Variants in ZNF732 observed in about 807,000 individuals in gnomAD.
ZNF732 encodes the protein zinc finger protein 732, also known as zinc finger protein LOC654254.
ZNF732 carries 12 observed loss-of-function variants against 11.5 expected under a neutral mutation model. That is an observed-to-expected ratio of 1.05 (90% CI 0.67 to 1.70). The LOEUF is 1.70. Among genes scored for constraint, ZNF732 ranks in the 40% most tolerant of loss-of-function variants. The pLI, the probability that ZNF732 is intolerant of heterozygous loss-of-function variation, is 0.00. For missense variants in ZNF732, 702 were observed against 676.9 expected (o/e 1.04, Z -0.41); for synonymous variants, 231 against 236.5 (o/e 0.98, Z 0.21).
intron 3 of ZNF732, among the ~76,000 whole-genome samples, chr4:284,060 G>A (rs1179673490): frequency 1.3e-5 from 2 of 151,940 alleles, no homozygotes; most frequent in Admixed American, 6.6e-5. Context: ...ACAGGCACCC[G>A]CCACCACGCC....
intron 3 of ZNF732, among the ~76,000 whole-genome samples, chr4:288,397 A>G (rs1719775193): frequency 6.6e-6 from 1 of 152,190 alleles, no homozygotes; most frequent in South Asian, 2.1e-4. Flanking sequence ...TCAATATTTA[A>G]CTCACTCAAG....
chr4:296,215 T>TA, intron 1 of ZNF732, 60 bp from the exon 2 acceptor site: 1 of 1,585,496 alleles, frequency 6.3e-7, no homozygotes, highest in East Asian at 2.2e-5. Flanking sequence ...TGAAATGAGT[T>TA]AAGAGAACTA....
chr4:302,767 A>T lies in ZNF732; in HGVS notation c.3+2541T>A, dbSNP rs545084938. Among the ~76,000 whole-genome samples, 10 of 152,344 alleles carry T rather than the reference A, an allele frequency of 6.6e-5. No individual in the cohort carries two copies. In the South Asian group the frequency reaches 2.1e-3, roughly 32 times the overall value. On this transcript the variant is annotated intron_variant, in intron 1 of 3. Transcript: ENST00000419098. Reference sequence around the variant, plus strand: ...AGCAGAGAAAATACTTAAATATAAAAGTTTTCGAGACAGGAGCAGTGGCTC... The same window carrying T: ...AGCAGAGAAAATACTTAAATATAAATGTTTTCGAGACAGGAGCAGTGGCTC...
At chr4:272,754 A>C (rs1719416967) in intron 3 of ZNF732, 124 bp from the exon 4 acceptor site, 6 of 939,890 alleles carry the variant, frequency 6.4e-6, no homozygotes, top group Non-Finnish European at 8.9e-6. Flanking sequence ...CACAGGCCAT[A>C]ATTTCTTCAC....
Position 305,383 on chromosome 4 carries a change from G to C in ZNF732, c.-73C>G. The C allele has an allele frequency of 6.3e-7, 1 of 1,595,064 alleles. No individual in the cohort carries two copies. ...TACCCGCAGGTCACAGAGCGACGGAGGCTGAGGCTGTGACCGAATCACCGA... is the reference window on the plus strand; with the variant it reads ...TACCCGCAGGTCACAGAGCGACGGACGCTGAGGCTGTGACCGAATCACCGA... On this transcript the variant is annotated 5_prime_UTR_variant, in exon 1 of 4. Coordinates refer to ENST00000419098, the MANE Select transcript of ZNF732 (RefSeq NM_001137608.3).
At chr4:296,890 T>A (rs186359475) in intron 1 of ZNF732, among the ~76,000 whole-genome samples, 1 of 152,226 alleles carries the variant, frequency 6.6e-6, no homozygotes, top group African/African-American at 2.4e-5. Context: ...CAAATCATCA[T>A]CCTGAAGCAC....
chr4:293,244 G>GTGTATA (rs1553841634), intron 3 of ZNF732, among the ~76,000 whole-genome samples: 6 of 143,952 alleles, frequency 4.2e-5, no homozygotes, highest in Admixed American at 1.4e-4. Flanking sequence ...GTGTGTGTGT[G>GTGTATA]TATATATATA....
intron 1 of ZNF732, among the ~76,000 whole-genome samples, chr4:298,079 T>C (rs1201808186): frequency 3.3e-5 from 5 of 152,210 alleles, no homozygotes; most frequent in African/African-American, 1.2e-4. Flanking sequence ...CCCTTATGTT[T>C]CTCTAGCACA....
At position 296,108 on chromosome 4, in the gene ZNF732, C is replaced by T. The variant is rs1553842247; in HGVS notation, c.51G>A (p.Glu17=). Residue 17 remains glutamate (E), a synonymous_variant, in exon 2 of 4, where the codon GAG becomes GAA. Transcript: ENST00000419098. The stretch of plus-strand genomic sequence containing the variant: ...GCTGGGCAGGGTCCAGGCATTTCCA[C>T]TCTTCTGGAGAGAATTCTATGGCCA... ...RDVAIEFSPE[E]WKCLDPAQQN... 6.2e-7 allele frequency: 1 copy of T among 1,613,822 alleles called. No individual in the cohort carries two copies. The highest frequency in any genetic ancestry group is 2.2e-5 in the East Asian group (1 of 44,886).
intron 1 of ZNF732, among the ~76,000 whole-genome samples, chr4:304,985 C>G (rs1457666146): frequency 6.6e-6 from 1 of 152,156 alleles, no homozygotes; most frequent in East Asian, 1.9e-4. Flanking sequence ...AAAGTAGGGA[C>G]TCGACGACCG....
chr4:279,483 A>G (rs782430266), intron 3 of ZNF732, among the ~76,000 whole-genome samples: 1 of 152,012 alleles, frequency 6.6e-6, no homozygotes, highest in Non-Finnish European at 1.5e-5. Flanking sequence ...ATATTATATA[A>G]TTACACCAAT....
chr4:272,294 ATTCCTTGAT>A lies in ZNF732; in HGVS notation c.554_562del (p.His185_Ile188delinsLeu). 6.2e-7 allele frequency: 1 copy of A among 1,613,316 alleles called. No homozygotes were observed. Among genetic ancestry groups the A allele is most frequent in the South Asian group, 1.1e-5 (1 of 90,980 alleles). ...TGTGTAGGGTTTCTCTCCAGCATGA[ATTCCTTGAT>A]GTTGAGTTAGGTCTGAGAACTTCTG... On this transcript the variant is annotated inframe_deletion, in exon 4 of 4. Transcript: ENST00000419098.
rs782668021 is a variant in ZNF732, at chr4:271,826, C to T, written c.1031G>A (p.Ser344Asn). The T allele has an allele frequency of 3.8e-5, 62 of 1,613,318 alleles. No homozygotes were observed. Among genetic ancestry groups the T allele is most frequent in the Non-Finnish European group, 4.7e-5 (56 of 1,179,726 alleles). Residue 344 changes from serine (S) to asparagine (N), a missense_variant, in exon 4 of 4, where the codon AGT becomes AAT. Ser to Asn is a conservative substitution (Grantham distance 46, BLOSUM62 1). Coordinates refer to ENST00000419098, the MANE Select transcript of ZNF732 (RefSeq NM_001137608.3). ...ATGTTCATTCAGAACTGAGGACCTA[C>T]TAAAGGCTTTGCCACATTCTTCACA... is the stretch of plus-strand genomic sequence containing the variant. ...YTCEECGKAF[S>N]RSSVLNEHKR...
chr4:283,143 A>AGT (rs1719651211), intron 3 of ZNF732, among the ~76,000 whole-genome samples: 1 of 152,162 alleles, frequency 6.6e-6, no homozygotes, highest in African/African-American at 2.4e-5. Context: ...AGTCATCATG[A>AGT]GTGGGTCTAT....
rs1560167214 is a variant in ZNF732, at chr4:305,294, G to GC, written c.3+13dup. The GC allele has an allele frequency of 6.8e-6, 11 of 1,606,858 alleles. No homozygotes were observed. The East Asian group carries it at 2.5e-4, about 36-fold the overall frequency. On this transcript the variant is annotated intron_variant, in intron 1 of 3. Coordinates refer to ENST00000419098, the MANE Select transcript of ZNF732 (RefSeq NM_001137608.3). ...GGCCTCCCCAGCCTTGGGACGCCCT[G>GC]CCCCCACACTCACCATTTCCCCACT...
intron 3 of ZNF732, among the ~76,000 whole-genome samples, chr4:290,916 A>T (rs1719831177): frequency 6.6e-6 from 1 of 152,232 alleles, no homozygotes; most frequent in African/African-American, 2.4e-5. Flanking sequence ...GCCAAAAAAT[A>T]GATTATACAA....
At chr4:298,889 C>T (rs1037157811) in intron 1 of ZNF732, among the ~76,000 whole-genome samples, 1 of 152,152 alleles carries the variant, frequency 6.6e-6, no homozygotes, top group African/African-American at 2.4e-5. Context: ...CTTTTTTACA[C>T]TTAACAGATT....
chr4:299,372 T>C (rs1393549167), intron 1 of ZNF732, among the ~76,000 whole-genome samples: 1 of 54,990 alleles, frequency 1.8e-5, no homozygotes, highest in Non-Finnish European at 3.7e-5. Flanking sequence ...CACATATGTG[T>C]ATATATATAT....
At chr4:293,233 GGTGT>G (rs199884660) in intron 3 of ZNF732, among the ~76,000 whole-genome samples, 2 of 131,900 alleles carry the variant, frequency 1.5e-5, no homozygotes, top group Admixed American at 1.5e-4. Context: ...GCCAAAATAT[GGTGT>G]GTGTGTGTAT....
Sources: allele counts gnomAD v4.1 joint callset (sites outside exome capture counted in the v4.1 genomes callset), GRCh38; gene constraint gnomAD v4.1.1; transcripts MANE v1.5; gene names NCBI Gene and HGNC (gene_info 2026-07-23, HGNC 2026-07-21).